ZNF804A: variants seen among roughly 807,000 people sequenced by gnomAD.
ZNF804A encodes the protein zinc finger protein 804A.
In ZNF804A, 2 loss-of-function variants were observed where a neutral mutation model predicts 16.5. That is an observed-to-expected ratio of 0.12 (90% CI 0.05 to 0.38). The LOEUF is 0.38. Ranked by LOEUF, ZNF804A falls within the 10% of genes least tolerant of loss-of-function variation. The pLI is 0.99. For missense variants in ZNF804A, 1,473 were observed against 1,390.7 expected (o/e 1.06, Z -0.94); for synonymous variants, 534 against 489.6 (o/e 1.09, Z -1.20).
chr2:184,719,500 G>A (rs1158121318), intron 1 of ZNF804A, among the ~76,000 whole-genome samples: 3 of 152,060 alleles, frequency 2.0e-5, no homozygotes, highest in African/African-American at 4.8e-5. Context: ...GAACTTTTAT[G>A]TTCTCCTTCC....
chr2:184,937,115 A>G lies in ZNF804A; in HGVS notation c.1719A>G (p.Leu573=), dbSNP rs1685804143. 6.2e-7 allele frequency: 1 copy of G among 1,604,418 alleles called. No homozygotes were observed. Among genetic ancestry groups the G allele is most frequent in the Non-Finnish European group, 8.5e-7 (1 of 1,177,622 alleles). ...FTKSQIKQDT[L]DEKYNKIRLK... is the part of the protein sequence containing the mutation. ...AAAGTCAAATAAAACAGGACACTCT[A>G]GATGAAAAATACAACAAAATAAGGT... Residue 573 remains leucine (L), a synonymous_variant, in exon 4 of 4, where the codon CTA becomes CTG. Transcript: ENST00000302277.
At chr2:184,905,133 G>GT (rs1212619669) in intron 2 of ZNF804A, among the ~76,000 whole-genome samples, 1 of 151,790 alleles carries the variant, frequency 6.6e-6, no homozygotes, top group African/African-American at 2.4e-5. Flanking sequence ...TTAAGTCAGT[G>GT]TTTTTTACAG....
chr2:184,645,095 C>G (rs1691851093), intron 1 of ZNF804A, among the ~76,000 whole-genome samples: 1 of 151,954 alleles, frequency 6.6e-6, no homozygotes, highest in Admixed American at 6.6e-5. Context: ...CTCTAAAATC[C>G]TATAAATGAC....
rs575641921 is a variant in ZNF804A, at chr2:184,927,862, C to T, written c.256-5741C>T. ...GGTGAATACTGCCTGGCCTGGGGCTCAACCTTCAGGGCAGTGGGCTCCCCT... is the reference window on the plus strand; with the variant it reads ...GGTGAATACTGCCTGGCCTGGGGCTTAACCTTCAGGGCAGTGGGCTCCCCT... On this transcript the variant is annotated intron_variant, in intron 2 of 3. Transcript: ENST00000302277. 1.6e-4 allele frequency among the ~76,000 whole-genome samples: 24 copies of T among 152,254 alleles called. 1 individual carries two copies. In the South Asian group the frequency reaches 5.0e-3, roughly 32 times the overall value.
chr2:184,732,378 C>G lies in ZNF804A; in HGVS notation c.111+133308C>G, dbSNP rs1279330622. Among the ~76,000 whole-genome samples, 6 of 151,950 alleles carry G rather than the reference C, an allele frequency of 3.9e-5. No individual in the cohort carries two copies. The East Asian group carries it at 1.2e-3, about 29-fold the overall frequency. On this transcript the variant is annotated intron_variant, in intron 1 of 3. Coordinates refer to ENST00000302277, the MANE Select transcript of ZNF804A (RefSeq NM_194250.2). ...GTGGGTTTACTTCTGGACCTTCTATCATGTTTCATTGATCTATTTGTCTAT... is the reference window on the plus strand; with the variant it reads ...GTGGGTTTACTTCTGGACCTTCTATGATGTTTCATTGATCTATTTGTCTAT...
At chr2:184,645,352 CTACAG>C (rs1287804248) in intron 1 of ZNF804A, among the ~76,000 whole-genome samples, 7 of 152,012 alleles carry the variant, frequency 4.6e-5, no homozygotes, top group Admixed American at 3.9e-4. Flanking sequence ...TTGAAAATGT[CTACAG>C]TACAAATATT....
At chr2:184,884,469 C>T (rs1022443234) in intron 2 of ZNF804A, among the ~76,000 whole-genome samples, 1 of 151,762 alleles carries the variant, frequency 6.6e-6, no homozygotes, top group Non-Finnish European at 1.5e-5. Flanking sequence ...TCATATGGAG[C>T]CAAACAAGAG....
chr2:184,710,643 T>C (rs2105736460), intron 1 of ZNF804A, among the ~76,000 whole-genome samples: 1 of 151,886 alleles, frequency 6.6e-6, no homozygotes, highest in East Asian at 1.9e-4. Flanking sequence ...TGAAACTTTA[T>C]ACCCTTTGAA....
At chr2:184,800,833 G>A (rs1694713392) in intron 1 of ZNF804A, among the ~76,000 whole-genome samples, 1 of 151,870 alleles carries the variant, frequency 6.6e-6, no homozygotes, top group Non-Finnish European at 1.5e-5. Context: ...CCAATATATA[G>A]TCAATTTACT....
rs920464482 is a variant in ZNF804A at position 184,937,631 on chromosome 2, G to A, written c.2235G>A (p.Met745Ile). The A allele has an allele frequency of 6.2e-7, 1 of 1,613,830 alleles. No homozygotes were observed. Among genetic ancestry groups the A allele is most frequent in the Non-Finnish European group, 8.5e-7 (1 of 1,179,944 alleles). The change falls in exon 4 of 4, where the codon ATG (methionine) becomes ATA (isoleucine). Residue 745 changes from methionine (M) to isoleucine (I), a missense_variant. Coordinates refer to ENST00000302277, the MANE Select transcript of ZNF804A (RefSeq NM_194250.2). ...GAAGCTTAGTTCTTCAAAATGATATGAAACACATGAGTCAGAATCAGGCTG... is the reference window on the plus strand; with the variant it reads ...GAAGCTTAGTTCTTCAAAATGATATAAAACACATGAGTCAGAATCAGGCTG... ...DHRSLVLQND[M>I]KHMSQNQAVK...
chr2:184,931,427 A>C (rs920594961), intron 2 of ZNF804A, among the ~76,000 whole-genome samples: 3 of 152,224 alleles, frequency 2.0e-5, no homozygotes, highest in African/African-American at 7.2e-5. Context: ...AATTGGGTGC[A>C]GCCACAGGCT....
At chr2:184,604,358 A>T (rs1318268757) in intron 1 of ZNF804A, among the ~76,000 whole-genome samples, 1 of 151,330 alleles carries the variant, frequency 6.6e-6, no homozygotes, top group Admixed American at 6.6e-5. Flanking sequence ...TATTTTTAGT[A>T]GAGACGAGGT....
chr2:184,772,437 T>A (rs72901901), intron 1 of ZNF804A, among the ~76,000 whole-genome samples: 7,662 of 152,124 alleles, frequency 0.05, 254 homozygotes, highest in Middle Eastern at 0.078. Flanking sequence ...TGTGAAGACT[T>A]ATCCATGCTG....
At chr2:184,779,607 TA>T (rs1422125057) in intron 1 of ZNF804A, among the ~76,000 whole-genome samples, 1 of 151,324 alleles carries the variant, frequency 6.6e-6, no homozygotes, top group Non-Finnish European at 1.5e-5. Flanking sequence ...GCAAAAGAGG[TA>T]GAAGAGTCCC....
rs1559007258 is a variant in ZNF804A, at chr2:184,933,589, C to CA, written c.256-14_256-13insA. On this transcript the variant is annotated splice_polypyrimidine_tract_variant and intron_variant, in intron 2 of 3. Coordinates refer to ENST00000302277, the MANE Select transcript of ZNF804A (RefSeq NM_194250.2). ...CAAAATACAATTAATCATTTTCCAA[C>CA]TTTTTTTTAACAGAGGCTCAAGGAA... is the stretch of plus-strand genomic sequence containing the variant. 6.4e-7 allele frequency: 1 copy of CA among 1,569,528 alleles called. No homozygotes were observed. Among genetic ancestry groups the CA allele is most frequent in the Non-Finnish European group, 8.6e-7 (1 of 1,166,070 alleles).
At chr2:184,836,439 G>A (rs1449875382) in intron 1 of ZNF804A, among the ~76,000 whole-genome samples, 1 of 152,076 alleles carries the variant, frequency 6.6e-6, no homozygotes, top group Non-Finnish European at 1.5e-5. Flanking sequence ...AGAGGGAAGA[G>A]TAATAACGGA....
At chr2:184,683,163 T>C (rs1574160976) in intron 1 of ZNF804A, among the ~76,000 whole-genome samples, 1 of 152,364 alleles carries the variant, frequency 6.6e-6, no homozygotes, top group East Asian at 1.9e-4. Flanking sequence ...TATGTCTCTG[T>C]GTTGCAGGTG....
intron 1 of ZNF804A, among the ~76,000 whole-genome samples, chr2:184,672,127 G>C (rs1692347075): frequency 6.6e-6 from 1 of 152,190 alleles, no homozygotes; most frequent in Non-Finnish European, 1.5e-5. Flanking sequence ...GTTCATGAAA[G>C]CTAGACTCAG....
chr2:184,843,385 C>T lies in ZNF804A; in HGVS notation c.112-22984C>T, dbSNP rs185069977. ...TCAAGCGATTCTCCTGCCTCAGCCTCCTGAGTAGCTGGGACTACAGGCACC... is the reference window on the plus strand; with the variant it reads ...TCAAGCGATTCTCCTGCCTCAGCCTTCTGAGTAGCTGGGACTACAGGCACC... On this transcript the variant is annotated intron_variant, in intron 1 of 3. Transcript: ENST00000302277. Among the ~76,000 whole-genome samples, 346 of 152,202 alleles carry T rather than the reference C, an allele frequency of 2.3e-3. 2 individuals carry two copies. The highest frequency in any genetic ancestry group is 7.4e-3 in the African/African-American group (309 of 41,542).
Sources: gnomAD v4.1 joint callset for allele counts (sites outside exome capture counted in the v4.1 genomes callset) on GRCh38, gnomAD v4.1.1 for gene constraint, MANE v1.5 for transcripts, NCBI Gene and HGNC (gene_info 2026-07-23, HGNC 2026-07-21) for gene names.